FAM193A: variants seen among roughly 807,000 people sequenced by gnomAD.
FAM193A encodes family with sequence similarity 193 member A.
Under a neutral mutation model 126.5 loss-of-function variants are expected in FAM193A, and 22 were observed. The ratio of observed to expected loss-of-function variants is 0.17; its 90% CI spans 0.12 to 0.25. FAM193A has a LOEUF of 0.25. Among genes scored for constraint, FAM193A ranks in the 10% least tolerant of loss-of-function variants. FAM193A has a pLI of 1.00. For missense variants in FAM193A, 1,675 were observed against 1,672.8 expected (o/e 1.00, Z -0.02); for synonymous variants, 761 against 646.8 (o/e 1.18, Z -2.68).
intron 13 of FAM193A, among the ~76,000 whole-genome samples, chr4:2,680,191 C>G (rs1015806367): frequency 3.3e-5 from 5 of 152,170 alleles, no homozygotes; most frequent in Non-Finnish European, 5.9e-5. Flanking sequence ...CCAGTTCAAT[C>G]TCCTTACTAG....
intron 13 of FAM193A, among the ~76,000 whole-genome samples, chr4:2,684,057 T>C (rs1381691148): frequency 7.9e-5 from 12 of 152,230 alleles, no homozygotes; most frequent in Non-Finnish European, 1.5e-4. Context: ...TCTTGCATGC[T>C]GTCTACTTTT....
chr4:2,649,412 C>T (rs1745454183), intron 7 of FAM193A, among the ~76,000 whole-genome samples: 2 of 150,728 alleles, frequency 1.3e-5, no homozygotes, highest in Non-Finnish European at 2.9e-5. Flanking sequence ...GTGGCTCACA[C>T]CTGTATTCCT....
At chr4:2,636,227 C>G (rs1744074964) in intron 5 of FAM193A, among the ~76,000 whole-genome samples, 1 of 151,798 alleles carries the variant, frequency 6.6e-6, no homozygotes. Flanking sequence ...CCACGCCAGG[C>G]TAATTTTTTG....
intron 2 of FAM193A, among the ~76,000 whole-genome samples, chr4:2,609,667 C>T (rs1221220284): frequency 2.0e-5 from 3 of 152,294 alleles, no homozygotes; most frequent in East Asian, 3.9e-4. Context: ...AGGCCGATCA[C>T]GCCTGTAATC....
intron 13 of FAM193A, among the ~76,000 whole-genome samples, chr4:2,674,543 A>C (rs931247027): frequency 6.6e-6 from 1 of 152,144 alleles, no homozygotes. Flanking sequence ...GTCTGCCATC[A>C]CTTTTGCATT....
At chr4:2,591,087 CG>C (rs1307460363) in intron 1 of FAM193A, among the ~76,000 whole-genome samples, 4 of 150,654 alleles carry the variant, frequency 2.7e-5, no homozygotes, top group Non-Finnish European at 5.9e-5. Context: ...GCGTGTGACA[CG>C]TATTGATTGA....
intron 19 of FAM193A, chr4:2,715,507 C>T (rs751533456): frequency 1.0e-6 from 1 of 988,098 alleles, no homozygotes; most frequent in Non-Finnish European, 1.2e-6. Context: ...AGATGAATGC[C>T]TGGGAGAACC....
At chr4:2,633,553 C>T (rs1163154660) in intron 5 of FAM193A, among the ~76,000 whole-genome samples, 1 of 151,762 alleles carries the variant, frequency 6.6e-6, no homozygotes, top group Non-Finnish European at 1.5e-5. Context: ...ACTAGATACC[C>T]TTAACTATTC....
At chr4:2,588,751 C>A (rs1177865585) in intron 1 of FAM193A, among the ~76,000 whole-genome samples, 1 of 152,208 alleles carries the variant, frequency 6.6e-6, no homozygotes, top group Non-Finnish European at 1.5e-5. Flanking sequence ...GCTGTAAAGA[C>A]TGTTAATACC....
chr4:2,628,607 A>G (rs1300461969), intron 4 of FAM193A, among the ~76,000 whole-genome samples: 1 of 152,198 alleles, frequency 6.6e-6, no homozygotes, highest in Admixed American at 6.5e-5. Flanking sequence ...ACTGCACACC[A>G]GCCTGGGCAA....
intron 2 of FAM193A, among the ~76,000 whole-genome samples, chr4:2,604,098 C>T (rs1741384238): frequency 6.6e-6 from 1 of 152,140 alleles, no homozygotes; most frequent in African/African-American, 2.4e-5. Context: ...CCGCCTCACC[C>T]TCCCAACTTG....
chr4:2,560,410 A>G (rs1361101530), intron 1 of FAM193A, among the ~76,000 whole-genome samples: 1 of 151,976 alleles, frequency 6.6e-6, no homozygotes, highest in Non-Finnish European at 1.5e-5. Flanking sequence ...CGGCCACACC[A>G]CTTAGACTGG....
intron 4 of FAM193A, among the ~76,000 whole-genome samples, chr4:2,629,830 G>A (rs1032654965): frequency 6.6e-5 from 10 of 152,184 alleles, no homozygotes; most frequent in South Asian, 2.1e-4. Context: ...TGTAGAATAC[G>A]TTTTAAAATG....
intron 1 of FAM193A, among the ~76,000 whole-genome samples, chr4:2,552,008 A>AT (rs71178476): frequency 0.94 from 104,835 of 111,776 alleles, 49,659 homozygotes; most frequent in South Asian, 0.99. Flanking sequence ...GTCTGGGTAA[A>AT]TTTTTTTTTT....
chr4:2,666,464 TCTGTAGTTTC>T (rs1390215570), intron 12 of FAM193A, among the ~76,000 whole-genome samples: 5 of 152,232 alleles, frequency 3.3e-5, no homozygotes, highest in Admixed American at 3.3e-4. Context: ...AATATATTGG[TCTGTAGTTTC>T]CTATCTTTGT....
intron 12 of FAM193A, among the ~76,000 whole-genome samples, chr4:2,667,852 T>C (rs1452934508): frequency 6.6e-6 from 1 of 152,206 alleles, no homozygotes; most frequent in East Asian, 1.9e-4. Flanking sequence ...TATGCATCTC[T>C]TGTGAATGTC....
intron 1 of FAM193A, among the ~76,000 whole-genome samples, chr4:2,575,719 G>A (rs573943471): frequency 2.6e-5 from 4 of 151,966 alleles, no homozygotes; most frequent in South Asian, 2.1e-4. Context: ...TGCCTGCCTC[G>A]GCCTCCCAAA....
chr4:2,630,580 T>C (rs1743461370), intron 4 of FAM193A, among the ~76,000 whole-genome samples: 1 of 152,216 alleles, frequency 6.6e-6, no homozygotes, highest in Non-Finnish European at 1.5e-5. Context: ...AGCGTGCTCT[T>C]CCAGCTGTGT....
intron 1 of FAM193A, among the ~76,000 whole-genome samples, chr4:2,583,126 C>G (rs1054417076): frequency 6.6e-6 from 1 of 152,160 alleles, no homozygotes; most frequent in Non-Finnish European, 1.5e-5. Context: ...CCATGCCCAG[C>G]CAATTATTGT....
Sources: allele counts gnomAD v4.1 joint callset (sites outside exome capture counted in the v4.1 genomes callset), GRCh38; gene constraint gnomAD v4.1.1; transcripts MANE v1.5; gene names NCBI Gene and HGNC (gene_info 2026-07-23, HGNC 2026-07-21).